Variants in RPS10 observed in about 807,000 individuals in gnomAD.
The protein encoded by RPS10 is small ribosomal subunit protein eS10.
In RPS10, 2 loss-of-function variants were observed where a neutral mutation model predicts 22.6. That is an observed-to-expected ratio of 0.09 (90% confidence interval 0.04 to 0.28). The LOEUF is 0.28. Among genes scored for constraint, RPS10 ranks in the 10% least tolerant of loss-of-function variants. RPS10 has a pLI of 1.00. For missense variants in RPS10, 137 were observed against 222.2 expected (o/e 0.62, Z 2.44); for synonymous variants, 70 against 75.9 (o/e 0.92, Z 0.40).
At chr6:34,424,003 C>T (rs1158730617) in intron 3 of RPS10, among the ~76,000 whole-genome samples, 1 of 152,022 alleles carries the variant, frequency 6.6e-6, no homozygotes, top group Admixed American at 6.6e-5. Flanking sequence ...GGAATCTGCG[C>T]ATTTTTTCAC....
intron 4 of RPS10, 109 bp from the exon 5 acceptor site, chr6:34,418,533 C>G: frequency 6.5e-7 from 1 of 1,537,560 alleles, no homozygotes. Context: ...AGTACCACTC[C>G]GTTAAATATA....
At position 34,421,806 on chromosome 6, in the gene RPS10, A is replaced by G; in HGVS notation, c.324T>C (p.Gly108=). 6.2e-7 allele frequency: 1 copy of G among 1,613,792 alleles called. No homozygotes were observed. Among genetic ancestry groups the G allele is most frequent in the Non-Finnish European group, 8.5e-7 (1 of 1,179,830 alleles). ...GTCTCGCAGGTCGCTCACCCTCCAG[A>G]CCTATGTAAATCAAACCACACTGTG... The part of the protein sequence containing the change: ...RPETGRPRPK[G]LEGERPARLT... The change falls in exon 4 of 6, where the codon GGT becomes GGC. Residue 108 remains glycine (G), a splice_region_variant and synonymous_variant. Coordinates refer to ENST00000648437, the MANE Select transcript of RPS10 (RefSeq NM_001014.5).
At chr6:34,423,139 AC>A (rs1765824558) in intron 3 of RPS10, among the ~76,000 whole-genome samples, 1 of 151,908 alleles carries the variant, frequency 6.6e-6, no homozygotes. Context: ...CCTGGAACTT[AC>A]CCGGAGTCCA....
chr6:34,424,337 A>C (rs547035514), intron 3 of RPS10: 58 of 333,658 alleles, frequency 1.7e-4, no homozygotes, highest in Admixed American at 4.9e-4. Flanking sequence ...TCGAGGTGGT[A>C]AATGGCTTTG....
chr6:34,425,873 C>T, intron 1 of RPS10, 159 bp downstream of exon 1: 1 of 155,762 alleles, frequency 6.4e-6, no homozygotes, highest in Non-Finnish European at 1.4e-5. Flanking sequence ...CGGCCCCCTA[C>T]CCCATAAAAT....
At chr6:34,421,022 TAAAAAA>T (rs751404903) in intron 4 of RPS10, among the ~76,000 whole-genome samples, 1 of 115,170 alleles carries the variant, frequency 8.7e-6, no homozygotes, top group African/African-American at 3.7e-5. Context: ...GAAAGAAAAT[TAAAAAA>T]AAAAAAAAGT....
chr6:34,424,889 A>T, intron 2 of RPS10, 49 bp from the exon 3 acceptor site: 1 of 1,612,796 alleles, frequency 6.2e-7, no homozygotes, highest in Non-Finnish European at 8.5e-7. Context: ...AGCTTGGATC[A>T]TCCTAGGCAA....
In RPS10 at chr6:34,418,350, C is replaced by G; in HGVS notation, c.456+19G>C. 1 of 1,614,050 alleles carries G rather than the reference C, an allele frequency of 6.2e-7. No homozygotes were observed. The highest frequency in any genetic ancestry group is 8.5e-7 in the Non-Finnish European group (1 of 1,179,960). ...AGAACAAGTGATGGCTCATGGAAAACAAATAGGAAGATACTCACAAACTGG... is the reference window on the plus strand; with the variant it reads ...AGAACAAGTGATGGCTCATGGAAAAGAAATAGGAAGATACTCACAAACTGG... On this transcript the variant is annotated intron_variant, in intron 5 of 5. Transcript: ENST00000648437.
intron 3 of RPS10, among the ~76,000 whole-genome samples, chr6:34,423,930 G>A (rs1193420549): frequency 1.3e-5 from 2 of 151,818 alleles, no homozygotes; most frequent in Admixed American, 1.3e-4. Flanking sequence ...CTTTCATAAC[G>A]AATTCCTGAG....
intron 3 of RPS10, among the ~76,000 whole-genome samples, chr6:34,423,491 T>C (rs893974692): frequency 2.6e-5 from 4 of 152,156 alleles, no homozygotes; most frequent in African/African-American, 7.2e-5. Context: ...CAAAAACAAA[T>C]GTCAGGCCCA....
chr6:34,420,301 C>T (rs531882399), intron 4 of RPS10, among the ~76,000 whole-genome samples: 13 of 152,116 alleles, frequency 8.5e-5, no homozygotes, highest in East Asian at 5.8e-4. Context: ...CTGCAACCTC[C>T]GCCTCCCAGG....
At chr6:34,418,521 C>T in intron 4 of RPS10, 97 bp from the exon 5 acceptor site, 1 of 1,577,056 alleles carries the variant, frequency 6.3e-7, no homozygotes, top group Non-Finnish European at 8.7e-7. Context: ...CAGGAAAAGC[C>T]AAGTACCACT....
rs757346122 is a variant in RPS10 at position 34,424,721 on chromosome 6, C to T, written c.270G>A (p.Val90=). 3 of 1,614,028 alleles carry T rather than the reference C, an allele frequency of 1.9e-6. No individual in the cohort carries two copies. Among genetic ancestry groups the T allele is most frequent in the Non-Finnish European group, 2.5e-6 (3 of 1,180,044 alleles). Residue 90 remains valine (V), a synonymous_variant, in exon 3 of 6, where the codon GTG becomes GTA. Coordinates refer to ENST00000648437, the MANE Select transcript of RPS10 (RefSeq NM_001014.5). The part of the protein sequence containing the change: ...RDYLHLPPEI[V]PATLRRSRPE... ...GACGGCTACGGCGTAGGGTGGCAGG[C>T]ACAATCTCCGGGGGCAGATGAAGGT...
chr6:34,423,555 G>A (rs1369531375), intron 3 of RPS10, among the ~76,000 whole-genome samples: 1 of 152,044 alleles, frequency 6.6e-6, no homozygotes, highest in Non-Finnish European at 1.5e-5. Flanking sequence ...TTTCTCCCAG[G>A]AGATTCCAAG....
rs562137217 is a variant in RPS10, at chr6:34,418,476, G to C, written c.401-52C>G. 6 of 1,613,210 alleles carry C rather than the reference G, an allele frequency of 3.7e-6. No individual in the cohort carries two copies. In the South Asian group the frequency reaches 6.6e-5, roughly 18 times the overall value. On this transcript the variant is annotated intron_variant, in intron 4 of 5. Coordinates refer to ENST00000648437, the MANE Select transcript of RPS10 (RefSeq NM_001014.5). The stretch of plus-strand genomic sequence containing the variant: ...TCATCATATGATCTAATCTACTATA[G>C]AACAAGGGAAGACAACTCACTGACT...
chr6:34,420,934 G>C (rs945771799), intron 4 of RPS10, among the ~76,000 whole-genome samples: 1 of 151,362 alleles, frequency 6.6e-6, no homozygotes, highest in Non-Finnish European at 1.5e-5. Flanking sequence ...CGTGAACCCA[G>C]GAGGCAGAGC....
intron 5 of RPS10, 121 bp from the exon 6 acceptor site, chr6:34,417,668 G>T: frequency 1.1e-6 from 1 of 903,354 alleles, no homozygotes; most frequent in Non-Finnish European, 1.8e-6. Context: ...AGCTGGGAGA[G>T]AGCTGAGTAC....
At chr6:34,420,876 C>T (rs951393330) in intron 4 of RPS10, among the ~76,000 whole-genome samples, 3 of 151,422 alleles carry the variant, frequency 2.0e-5, no homozygotes, top group African/African-American at 4.8e-5. Context: ...GGCATGGCGG[C>T]GGTCGCCTGT....
rs1765774396 is a variant in RPS10, at chr6:34,421,672, T to C, written c.400+58A>G. The C allele has an allele frequency of 8.1e-6, 13 of 1,598,464 alleles. No individual in the cohort carries two copies. In the South Asian group the frequency reaches 1.2e-4, roughly 15 times the overall value. ...TGAGCCCCACCCAGCCAGAGCCAGC[T>C]GTGAGAATCCAGACATTTCACCCCA... On this transcript the variant is annotated intron_variant, in intron 4 of 5. Transcript: ENST00000648437.
Sources: allele counts gnomAD v4.1 joint callset (sites outside exome capture counted in the v4.1 genomes callset), GRCh38; gene constraint gnomAD v4.1.1; transcripts MANE v1.5; gene names NCBI Gene and HGNC (gene_info 2026-07-23, HGNC 2026-07-21).